The following DOK6 variants were observed in gnomAD, a reference collection of about 807,000 sequenced individuals.
The protein encoded by DOK6 is docking protein 6.
DOK6 carries 22 observed loss-of-function variants against 44.0 expected under a neutral mutation model. That is an observed-to-expected ratio of 0.50 (90% confidence interval 0.36 to 0.71). The LOEUF is 0.71. Ranked by LOEUF, DOK6 falls within the 30% of genes least tolerant of loss-of-function variation. The pLI, the probability that DOK6 is intolerant of heterozygous loss-of-function variation, is 0.00. For synonymous variants in DOK6, 166 were observed against 145.5 expected (o/e 1.14, Z -1.01); for missense variants, 340 against 416.4 (o/e 0.82, Z 1.60).
chr18:69,509,515 T>G (rs373558145), intron 1 of DOK6, among the ~76,000 whole-genome samples: 115 of 151,392 alleles, frequency 7.6e-4, no homozygotes, highest in Admixed American at 1.6e-3. Context: ...GCGGGCGCCT[T>G]TAGTCCCAGC....
chr18:69,670,536 A>G (rs1985772763), intron 3 of DOK6, among the ~76,000 whole-genome samples: 1 of 142,624 alleles, frequency 7.0e-6, no homozygotes, highest in African/African-American at 2.6e-5. Flanking sequence ...TTTGAGTCAG[A>G]GTCTCACTCT....
chr18:69,618,756 C>T (rs1333768220), intron 3 of DOK6: 1 of 152,212 alleles, frequency 6.6e-6, no homozygotes, highest in Non-Finnish European at 1.5e-5. Flanking sequence ...AGCTCCCTCC[C>T]ACAACACATG....
chr18:69,823,916 C>T (rs146542883), intron 7 of DOK6, among the ~76,000 whole-genome samples: 46 of 152,164 alleles, frequency 3.0e-4, no homozygotes, highest in East Asian at 1.9e-3. Flanking sequence ...CAGAAACTTA[C>T]GTGTTTGAAG....
chr18:69,742,822 A>G (rs1037529662), intron 6 of DOK6, among the ~76,000 whole-genome samples: 4 of 152,246 alleles, frequency 2.6e-5, no homozygotes, highest in Non-Finnish European at 5.9e-5. Context: ...CAATGTATGT[A>G]TGGGTAAGAC....
At chr18:69,493,791 C>T (rs1455652206) in intron 1 of DOK6, among the ~76,000 whole-genome samples, 1 of 152,048 alleles carries the variant, frequency 6.6e-6, no homozygotes, top group African/African-American at 2.4e-5. Flanking sequence ...TCATGCCACA[C>T]CCACAATGGT....
intron 1 of DOK6, among the ~76,000 whole-genome samples, chr18:69,489,694 CCTT>C: frequency 6.6e-6 from 1 of 152,180 alleles, no homozygotes; most frequent in Middle Eastern, 3.4e-3. Context: ...TTTTCCTTAT[CCTT>C]CTCTTTCTAA....
chr18:69,709,622 T>C (rs1986714130), intron 5 of DOK6, among the ~76,000 whole-genome samples: 1 of 152,174 alleles, frequency 6.6e-6, no homozygotes, highest in Non-Finnish European at 1.5e-5. Context: ...TATCATATTA[T>C]ATGTACTTGA....
chr18:69,407,456 C>T (rs1916227017), intron 1 of DOK6, among the ~76,000 whole-genome samples: 1 of 152,170 alleles, frequency 6.6e-6, no homozygotes, highest in Admixed American at 6.5e-5. Flanking sequence ...TTGTGCCTCA[C>T]TTTAGTCACA....
intron 3 of DOK6, chr18:69,661,217 C>G (rs545357552): frequency 6.6e-6 from 1 of 152,198 alleles, no homozygotes; most frequent in African/African-American, 2.4e-5. Flanking sequence ...TGTTGACAAC[C>G]TACTACTTCT....
At chr18:69,832,347 T>C (rs1411579668) in intron 7 of DOK6, among the ~76,000 whole-genome samples, 1 of 152,162 alleles carries the variant, frequency 6.6e-6, no homozygotes, top group Non-Finnish European at 1.5e-5. Flanking sequence ...TATTGATTGT[T>C]AAACCATCCT....
intron 4 of DOK6, among the ~76,000 whole-genome samples, chr18:69,697,041 G>A (rs1986404375): frequency 6.6e-6 from 1 of 152,114 alleles, no homozygotes; most frequent in African/African-American, 2.4e-5. Flanking sequence ...ATAAGCTATT[G>A]TCCAAAATAT....
intron 4 of DOK6, among the ~76,000 whole-genome samples, chr18:69,681,970 GT>G (rs1327667195): frequency 5.3e-5 from 8 of 152,218 alleles, no homozygotes; most frequent in African/African-American, 1.4e-4. Flanking sequence ...TTTATTCAGA[GT>G]CAGACTGAAG....
intron 3 of DOK6, among the ~76,000 whole-genome samples, chr18:69,647,110 CTATCCTAT>C (rs1985101057): frequency 2.0e-5 from 3 of 151,348 alleles, no homozygotes; most frequent in Admixed American, 6.6e-5. Flanking sequence ...ATCTGTCTAT[CTATCCTAT>C]CTGTCTATCC....
intron 1 of DOK6, among the ~76,000 whole-genome samples, chr18:69,472,691 T>G (rs1367559603): frequency 6.6e-6 from 1 of 152,024 alleles, no homozygotes; most frequent in African/African-American, 2.4e-5. Flanking sequence ...CGCACACACA[T>G]GCATACATAC....
chr18:69,748,322 TAGAC>T (rs1487647673), intron 6 of DOK6, among the ~76,000 whole-genome samples: 14 of 152,184 alleles, frequency 9.2e-5, no homozygotes, highest in Middle Eastern at 3.4e-3. Context: ...CTGTCAATAT[TAGAC>T]AGATCACCGA....
chr18:69,516,093 G>C lies in DOK6; in HGVS notation c.67-48394G>C, dbSNP rs567215933. Among the ~76,000 whole-genome samples, 3 of 152,308 alleles carry C rather than the reference G, an allele frequency of 2.0e-5. No homozygotes were observed. The East Asian group carries it at 5.8e-4, about 29-fold the overall frequency. ...TTTGTAAGACATTTGCAAGCATACT[G>C]AAAGCAGGGACCTTGTCTGGTCACC... On this transcript the variant is annotated intron_variant, in intron 1 of 7. Coordinates refer to ENST00000382713, the MANE Select transcript of DOK6 (RefSeq NM_152721.6).
At position 69,617,711 on chromosome 18, in the gene DOK6, G is replaced by GAA. The variant is rs1226240703; in HGVS notation, c.289+18215_289+18216dup. Among the ~76,000 whole-genome samples, 3 of 86,466 alleles carry GAA rather than the reference G, an allele frequency of 3.5e-5. 1 individual carries two copies. Among genetic ancestry groups the GAA allele is most frequent in the Non-Finnish European group, 5.4e-5 (2 of 37,216 alleles). The allele number at this position is 86,466 out of a possible 152,430, so 56.7% of individuals were successfully genotyped here. A position where few individuals can be genotyped will look rare whatever the true frequency, so the allele number is the denominator to read the frequency against. On this transcript the variant is annotated intron_variant, in intron 3 of 7. Transcript: ENST00000382713. ...AGAAAGAAAAGACGGAAAGAGAAAAGAAAGAAAGAAAGAAAAAAGGGGGAA... is the reference window on the plus strand; with the variant it reads ...AGAAAGAAAAGACGGAAAGAGAAAAGAAAAAGAAAGAAAGAAAAAAGGGGGAA...
chr18:69,517,692 A>G (rs1981567663), intron 1 of DOK6, among the ~76,000 whole-genome samples: 1 of 148,908 alleles, frequency 6.7e-6, no homozygotes, highest in Non-Finnish European at 1.5e-5. Context: ...TTTGAATTGT[A>G]TACAATCTGT....
intron 1 of DOK6, among the ~76,000 whole-genome samples, chr18:69,515,920 C>T (rs1263397832): frequency 1.3e-5 from 2 of 152,204 alleles, no homozygotes; most frequent in Non-Finnish European, 2.9e-5. Context: ...GATTTATGAT[C>T]ATGCATTTTT....
Sources: allele counts gnomAD v4.1 joint callset (sites outside exome capture counted in the v4.1 genomes callset), GRCh38; gene constraint gnomAD v4.1.1; transcripts MANE v1.5; gene names NCBI Gene and HGNC (gene_info 2026-07-23, HGNC 2026-07-21).